Variants in CTNNA3 observed in about 807,000 individuals in gnomAD.
The protein encoded by CTNNA3 is catenin alpha-3.
A neutral mutation model predicts 95.7 loss-of-function variants in CTNNA3; 76 were observed. That is an observed-to-expected ratio of 0.79 (90% confidence interval 0.66 to 0.96). CTNNA3 has a LOEUF of 0.96. CTNNA3 is among the 40% of genes least tolerant of loss of function. The pLI, the probability that CTNNA3 is intolerant of heterozygous loss-of-function variation, is 0.00. For synonymous variants in CTNNA3, 431 were observed against 374.4 expected, an observed-to-expected ratio of 1.15 and a Z score of -1.74; for missense variants, 1,191 against 1,089.8, an observed-to-expected ratio of 1.09 and a Z score of -1.31.
chr10:66,109,081 A>G (rs565566066), intron 13 of CTNNA3, among the ~76,000 whole-genome samples: 2 of 152,326 alleles, frequency 1.3e-5, no homozygotes, highest in East Asian at 3.9e-4. Flanking sequence ...TCCAATATGG[A>G]TAAAAAAGAC....
chr10:65,945,991 T>G (rs2133192888), intron 17 of CTNNA3, among the ~76,000 whole-genome samples: 1 of 152,252 alleles, frequency 6.6e-6, no homozygotes, highest in East Asian at 1.9e-4. Context: ...TCACTAAAGC[T>G]TCCATGCCCC....
chr10:66,091,033 C>T lies in CTNNA3; in HGVS notation c.1977+12124G>A, dbSNP rs80030057. On this transcript the variant is annotated intron_variant, in intron 14 of 17. Coordinates refer to ENST00000433211, the MANE Select transcript of CTNNA3 (RefSeq NM_013266.4). The stretch of plus-strand genomic sequence containing the variant: ...TTCTGCTACCTTACCTATTACTACA[C>T]ACTTATTGTCTTTAGTAGGAAAAGA... Among the ~76,000 whole-genome samples, 1,135 of 152,030 alleles carry T rather than the reference C, an allele frequency of 7.5e-3. 17 individuals carry two copies. The highest frequency in any genetic ancestry group is 9.9e-3 in the Non-Finnish European group (675 of 67,882).
At chr10:67,746,213 C>A (rs1056996737) in intron 1 of CTNNA3, among the ~76,000 whole-genome samples, 7 of 152,096 alleles carry the variant, frequency 4.6e-5, no homozygotes, top group African/African-American at 1.7e-4. Context: ...ATGGTCCTAG[C>A]ATAAACAGGG....
intron 12 of CTNNA3, among the ~76,000 whole-genome samples, chr10:66,376,457 A>C (rs1227620818): frequency 2.6e-5 from 4 of 152,178 alleles, no homozygotes; most frequent in Non-Finnish European, 5.9e-5. Context: ...GAGATATAAT[A>C]GGTCAGCCCT....
intron 5 of CTNNA3, among the ~76,000 whole-genome samples, chr10:67,482,608 A>C (rs180863274): frequency 0.01 from 1,590 of 152,274 alleles, 29 homozygotes; most frequent in African/African-American, 0.036. Context: ...TTGTATCCTG[A>C]GATTTTGCTG....
chr10:66,333,423 G>A (rs2092355607), intron 12 of CTNNA3, among the ~76,000 whole-genome samples: 1 of 151,870 alleles, frequency 6.6e-6, no homozygotes, highest in African/African-American at 2.4e-5. Flanking sequence ...ATTCTGGTAT[G>A]TTGTGTCTTT....
intron 12 of CTNNA3, among the ~76,000 whole-genome samples, chr10:66,307,925 T>C (rs2091954819): frequency 6.6e-6 from 1 of 152,174 alleles, no homozygotes; most frequent in Non-Finnish European, 1.5e-5. Flanking sequence ...CTCTGCTGGT[T>C]TAAATATTTT....
chr10:66,427,880 A>T (rs1213373615), intron 11 of CTNNA3, among the ~76,000 whole-genome samples: 3 of 152,176 alleles, frequency 2.0e-5, no homozygotes, highest in Admixed American at 6.6e-5. Context: ...TCATAATGAC[A>T]GGATCAAATT....
At position 66,029,207 on chromosome 10, in the gene CTNNA3, T is replaced by C. The variant is rs1400069128; in HGVS notation, c.2159+40101A>G. The stretch of plus-strand genomic sequence containing the variant: ...TTTACTTGGATATTTGCTTCTTACA[T>C]TTATTTATCAATATAGGAGTAACCC... On this transcript the variant is annotated intron_variant, in intron 15 of 17. Transcript: ENST00000433211. Among the ~76,000 whole-genome samples the C allele has an allele frequency of 5.3e-5, 8 of 152,320 alleles. No individual in the cohort carries two copies. The South Asian group carries it at 1.7e-3, about 32-fold the overall frequency.
intron 10 of CTNNA3, among the ~76,000 whole-genome samples, chr10:66,602,528 A>G (rs1186853694): frequency 6.6e-6 from 1 of 151,902 alleles, no homozygotes. Flanking sequence ...ATAAAAACAT[A>G]CTTTAGAAAA....
chr10:66,217,951 C>T (rs1421250406), intron 13 of CTNNA3, among the ~76,000 whole-genome samples: 1 of 152,060 alleles, frequency 6.6e-6, no homozygotes, highest in Non-Finnish European at 1.5e-5. Flanking sequence ...TAATGCCCAC[C>T]TGCGCACTAG....
chr10:66,578,957 T>A (rs1162914753), intron 10 of CTNNA3, among the ~76,000 whole-genome samples: 1 of 148,956 alleles, frequency 6.7e-6, no homozygotes, highest in African/African-American at 2.4e-5. Flanking sequence ...TGTGAATCCA[T>A]CTGCTCTAGG....
chr10:67,608,501 G>A (rs968274335), intron 2 of CTNNA3, among the ~76,000 whole-genome samples: 11 of 151,946 alleles, frequency 7.2e-5, no homozygotes, highest in Non-Finnish European at 1.0e-4. Context: ...AGCATTCTTC[G>A]AGTAGCAAAA....
intron 7 of CTNNA3, chr10:66,928,272 G>A: frequency 1.2e-6 from 2 of 1,614,156 alleles, no homozygotes; most frequent in Admixed American, 1.7e-5. Context: ...TGAAGCAGCT[G>A]CAGCAGCGCT....
rs150943120 is a variant in CTNNA3, at chr10:67,147,644, G to A, written c.1047+32673C>T. 4.8e-4 allele frequency among the ~76,000 whole-genome samples: 73 copies of A among 152,200 alleles called. No homozygotes were observed. In the East Asian group the frequency reaches 5.8e-3, roughly 12 times the overall value. ...GATTGTTTCCTGGTCTTCAGTACACGTGTAAACTTTCAAATCAAAATAGTA... is the reference window on the plus strand; with the variant it reads ...GATTGTTTCCTGGTCTTCAGTACACATGTAAACTTTCAAATCAAAATAGTA... On this transcript the variant is annotated intron_variant, in intron 7 of 17. Transcript: ENST00000433211.
intron 15 of CTNNA3, among the ~76,000 whole-genome samples, chr10:65,993,457 T>C (rs1184178813): frequency 1.3e-5 from 2 of 152,218 alleles, no homozygotes; most frequent in African/African-American, 4.8e-5. Flanking sequence ...ATAATTTTTA[T>C]ATTCTCTTGC....
intron 5 of CTNNA3, among the ~76,000 whole-genome samples, chr10:67,439,450 A>G (rs1219491475): frequency 6.6e-6 from 1 of 152,118 alleles, no homozygotes; most frequent in Non-Finnish European, 1.5e-5. Context: ...ACATGGCCGG[A>G]GCAAGAGCAA....
intron 7 of CTNNA3, among the ~76,000 whole-genome samples, chr10:66,810,161 A>G (rs1486838334): frequency 2.0e-5 from 3 of 152,176 alleles, no homozygotes; most frequent in African/African-American, 7.2e-5. Context: ...CTTTTAGTAT[A>G]ATGAATAATA....
chr10:66,630,520 T>C (rs528542095), intron 9 of CTNNA3, among the ~76,000 whole-genome samples: 24 of 152,252 alleles, frequency 1.6e-4, no homozygotes, highest in African/African-American at 5.5e-4. Flanking sequence ...GTAAAGTAAC[T>C]CTTAAAGGGC....
Sources: gnomAD v4.1 joint callset for allele counts (sites outside exome capture counted in the v4.1 genomes callset) on GRCh38, gnomAD v4.1.1 for gene constraint, MANE v1.5 for transcripts, NCBI Gene and HGNC (gene_info 2026-07-23, HGNC 2026-07-21) for gene names.